KISS1: variants seen among roughly 807,000 people sequenced by gnomAD.
KISS1 encodes the protein KiSS-1 metastasis suppressor.
For synonymous variants in KISS1, 97 were observed against 88.7 expected (o/e 1.09, Z -0.52); for missense variants, 182 against 182.7 (o/e 1.00, Z 0.02).
chr1:204,195,340 G>GCATACACA (rs1290298356), intron 1 of KISS1, among the ~76,000 whole-genome samples: 1 of 3,162 alleles, frequency 3.2e-4, no homozygotes, highest in African/African-American at 1.3e-3. Flanking sequence ...CACCACACAC[G>GCATACACA]CATACACACC....
chr1:204,193,609 G>T (rs1218910226), intron 1 of KISS1, among the ~76,000 whole-genome samples: 1 of 152,136 alleles, frequency 6.6e-6, no homozygotes, highest in African/African-American at 2.4e-5. Flanking sequence ...TCATTAAATT[G>T]TCTTATTGCC....
Position 204,192,422 on chromosome 1 carries a change from G to A in KISS1, c.103+352C>T. Among the ~76,000 whole-genome samples the A allele has an allele frequency of 6.8e-6, 1 of 146,918 alleles. No homozygotes were observed. The highest frequency in any genetic ancestry group is 2.6e-5 in the African/African-American group (1 of 39,200). On this transcript the variant is annotated intron_variant, in intron 2 of 2. Transcript: ENST00000367194. The surrounding 1 kb of genome is among the most constrained non-coding windows in gnomAD (Gnocchi z 4.2). ...TTTTTTTTTCCAAATTCTCCACAAA[G>A]AATCTGAGGTCACCGATAAAGCAAG...
At chr1:204,190,882 T>C in intron 2 of KISS1, 85 bp from the exon 3 acceptor site, 1 of 1,188,204 alleles carries the variant, frequency 8.4e-7, no homozygotes, top group Non-Finnish European at 1.2e-6. Flanking sequence ...CCTATCCTTC[T>C]TTTCCTTCCT....
Position 204,192,232 on chromosome 1 carries a change from T to G in KISS1, c.103+542A>C, listed in dbSNP as rs2102328978. Among the ~76,000 whole-genome samples the G allele has an allele frequency of 6.6e-6, 1 of 152,252 alleles. No homozygotes were observed. Among genetic ancestry groups the G allele is most frequent in the Middle Eastern group, 3.4e-3 (1 of 294 alleles). On this transcript the variant is annotated intron_variant, in intron 2 of 2. Coordinates refer to ENST00000367194, the MANE Select transcript of KISS1 (RefSeq NM_002256.4). The surrounding 1 kb of genome is among the most constrained non-coding windows in gnomAD (Gnocchi z 4.2). ...CACCAGACACACTCCTGGGGAGCTC[T>G]GACACCTGCTGGGTTTCCACAGTGT...
chr1:204,190,426 C>CCCCCCCCCCA lies in KISS1; in HGVS notation c.*57_*58insTGGGGGGGGG. ...GCCCTACGTCCCCGCCCCCCGCCCC[C>CCCCCCCCCCA]GCCCCGCATGCTCTGACTCCTTTGG... On this transcript the variant is annotated 3_prime_UTR_variant, in exon 3 of 3. Transcript: ENST00000367194. The CCCCCCCCCCA allele has an allele frequency of 2.1e-6, 2 of 950,718 alleles. No individual in the cohort carries two copies. Among genetic ancestry groups the CCCCCCCCCCA allele is most frequent in the South Asian group, 1.4e-5 (1 of 72,320 alleles). 58.9% of individuals were successfully genotyped at this position (950,718 alleles called of 1,614,324 possible).
intron 2 of KISS1, among the ~76,000 whole-genome samples, chr1:204,191,106 A>G (rs1443726061): frequency 6.6e-6 from 1 of 152,196 alleles, no homozygotes; most frequent in East Asian, 1.9e-4. Flanking sequence ...TATTTGCTGA[A>G]CACCCAGCTC....
chr1:204,190,488 C>T lies in KISS1; in HGVS notation c.413G>A (p.Gly138Asp), dbSNP rs746156825. Residue 138 changes from glycine (G) to aspartate (D), a missense_variant, in exon 3 of 3, where the codon GGC becomes GAC. Gly to Asp is a moderately conservative substitution (Grantham distance 94). Transcript: ENST00000367194. ...CACTGCCCCGCACCTGCGCCCTCAG[C>T]CCCGCCCAGCGCTTCTGCCGTGGTT... ...PGNHGRSAGR[G>D] The T allele has an allele frequency of 6.2e-7, 1 of 1,603,814 alleles. No homozygotes were observed. Among genetic ancestry groups the T allele is most frequent in the Non-Finnish European group, 8.5e-7 (1 of 1,176,968 alleles).
chr1:204,191,678 C>T (rs1226267881), intron 2 of KISS1, among the ~76,000 whole-genome samples: 6 of 152,222 alleles, frequency 3.9e-5, no homozygotes, highest in African/African-American at 7.2e-5. Flanking sequence ...CCTGCTCCTC[C>T]GTGCCCTGGC....
At chr1:204,196,026 T>C (rs1414074588) in intron 1 of KISS1, among the ~76,000 whole-genome samples, 2 of 152,294 alleles carry the variant, frequency 1.3e-5, no homozygotes, top group African/African-American at 4.8e-5. Flanking sequence ...AGGAGCCCCA[T>C]TGCTCTCAAG....
chr1:204,190,498 C>A lies in KISS1; in HGVS notation c.403G>T (p.Ala135Ser), dbSNP rs780499805. ...EAAPGNHGRS[A>S]GRG ...CACCTGCGCCCTCAGCCCCGCCCAG[C>A]GCTTCTGCCGTGGTTCCCTGGTGCC... The change falls in exon 3 of 3, where the codon GCT becomes TCT. Residue 135 changes from alanine to serine, a missense_variant. Transcript: ENST00000367194. The A allele has an allele frequency of 7.5e-6, 12 of 1,603,858 alleles. No homozygotes were observed. The highest frequency in any genetic ancestry group is 1.0e-5 in the Non-Finnish European group (12 of 1,177,870).
Position 204,190,409 on chromosome 1 carries a change from T to TTTCCCC in KISS1, c.*74_*75insGGGGAA. The TTTCCCC allele has an allele frequency of 3.5e-6, 2 of 570,142 alleles. No homozygotes were observed. Among genetic ancestry groups the TTTCCCC allele is most frequent in the Admixed American group, 2.5e-5 (1 of 40,486 alleles). 35.3% of individuals were successfully genotyped at this position (570,142 alleles called of 1,614,324 possible). On this transcript the variant is annotated 3_prime_UTR_variant, in exon 3 of 3. Coordinates refer to ENST00000367194, the MANE Select transcript of KISS1 (RefSeq NM_002256.4). ...CAGCGCCCCCTCCCTTAGCCCTACG[T>TTTCCCC]CCCCGCCCCCCGCCCCCGCCCCGCA...
chr1:204,195,408 C>T (rs1658836917), intron 1 of KISS1, among the ~76,000 whole-genome samples: 1 of 139,896 alleles, frequency 7.1e-6, no homozygotes, highest in Non-Finnish European at 1.6e-5. Flanking sequence ...ACCACACACG[C>T]ACACACACCA....
intron 1 of KISS1, among the ~76,000 whole-genome samples, chr1:204,194,281 AC>A (rs1477581470): frequency 6.6e-6 from 1 of 152,214 alleles, no homozygotes; most frequent in East Asian, 1.9e-4. Context: ...CAGATTGGCC[AC>A]CAGCCACCTG....
At position 204,192,703 on chromosome 1, in the gene KISS1, A is replaced by G; in HGVS notation, c.103+71T>C. 1 of 926,852 alleles carries G rather than the reference A, an allele frequency of 1.1e-6. No homozygotes were observed. 57.4% of individuals were successfully genotyped at this position (926,852 alleles called of 1,614,324 possible). On this transcript the variant is annotated intron_variant, in intron 2 of 2. Transcript: ENST00000367194. The surrounding 1 kb of genome is among the most constrained non-coding windows in gnomAD (Gnocchi z 4.2). ...AAACTCACACCAGTCGACTAGATGG[A>G]AAATACGGGAAAGCTCATTTTGCAA...
chr1:204,193,475 T>C (rs1215532957), intron 1 of KISS1, among the ~76,000 whole-genome samples: 1 of 152,190 alleles, frequency 6.6e-6, no homozygotes, highest in African/African-American at 2.4e-5. Flanking sequence ...ATCCATACGC[T>C]TGAGTCTGAC....
At chr1:204,195,081 C>G (rs1658811815) in intron 1 of KISS1, among the ~76,000 whole-genome samples, 1 of 150,390 alleles carries the variant, frequency 6.6e-6, no homozygotes, top group Non-Finnish European at 1.5e-5. Context: ...CTCCTTCCCA[C>G]TGTGGATGGC....
intron 1 of KISS1, among the ~76,000 whole-genome samples, chr1:204,193,489 G>C (rs1267334845): frequency 6.6e-6 from 1 of 152,110 alleles, no homozygotes; most frequent in Non-Finnish European, 1.5e-5. Context: ...GTCTGACCTT[G>C]TTCTCTCCTG....
In KISS1 at chr1:204,190,630, T is replaced by G. The variant is rs746519264; in HGVS notation, c.271A>C (p.Ser91Arg). 1.3e-6 allele frequency: 2 copies of G among 1,584,944 alleles called. No homozygotes were observed. Among genetic ancestry groups the G allele is most frequent in the South Asian group, 2.3e-5 (2 of 87,538 alleles). Residue 91 changes from serine (S) to arginine (R), a missense_variant, in exon 3 of 3, where the codon AGC becomes CGC. Transcript: ENST00000367194. Reference sequence around the variant, plus strand: ...CCCTGGGGTGCGGGGATCTGGCGGCTGTGGGGGGCGGACAGGCCCGGCTGC... The same window carrying G: ...CCCTGGGGTGCGGGGATCTGGCGGCGGTGGGGGGCGGACAGGCCCGGCTGC... Reference protein sequence around the residue: ...PQQPGLSAPHSRQIPAPQGAV... With the variant: ...PQQPGLSAPHRRQIPAPQGAV...
In KISS1 at chr1:204,192,776, G is replaced by A. The variant is rs775770652; in HGVS notation, c.101C>T (p.Thr34Ile). 1.9e-6 allele frequency: 3 copies of A among 1,581,130 alleles called. No individual in the cohort carries two copies. The highest frequency in any genetic ancestry group is 1.7e-5 in the Admixed American group (1 of 57,516). ...TCCTTTCCCCAGAGGATACATACCT[G>A]TGGGTCTAGAATTCCCCACAGAGGC... is the stretch of plus-strand genomic sequence containing the variant. Reference protein sequence around the residue: ...KVASVGNSRPTGQQLESLGLL... With the variant: ...KVASVGNSRPIGQQLESLGLL... Residue 34 changes from threonine (T) to isoleucine (I), a missense_variant and splice_region_variant, in exon 2 of 3, where the codon ACA becomes ATA. By Grantham distance (89) the Thr-to-Ile change is moderately conservative (BLOSUM62 -1). Transcript: ENST00000367194. The surrounding 1 kb of genome is among the most constrained non-coding windows in gnomAD (Gnocchi z 4.2).
Sources: allele counts gnomAD v4.1 joint callset (sites outside exome capture counted in the v4.1 genomes callset), GRCh38; gene constraint gnomAD v4.1.1; non-coding constraint Gnocchi (gnomAD v3.1); transcripts MANE v1.5; gene names NCBI Gene and HGNC (gene_info 2026-07-23, HGNC 2026-07-21).